The following KLHL7 variants were observed in gnomAD, a reference collection of about 807,000 sequenced individuals.
The protein encoded by KLHL7 is kelch-like protein 7.
KLHL7 carries 44 observed loss-of-function variants against 67.4 expected under a neutral mutation model. That is an observed-to-expected ratio of 0.65 (90% CI 0.51 to 0.84). The LOEUF (loss-of-function observed/expected upper bound fraction) is 0.84, where lower values mean the gene tolerates loss of function less well. Ranked by LOEUF, KLHL7 falls within the 40% of genes least tolerant of loss-of-function variation. KLHL7 has a pLI of 0.00. For missense variants in KLHL7, 362 were observed against 718.1 expected (o/e 0.50, Z 5.67); for synonymous variants, 252 against 243.3 (o/e 1.04, Z -0.33).
rs533375327 is a variant in KLHL7 at position 23,121,545 on chromosome 7, C to G, written c.121-2232C>G. Among the ~76,000 whole-genome samples the G allele has an allele frequency of 2.6e-5, 4 of 151,828 alleles. No individual in the cohort carries two copies. The South Asian group carries it at 6.3e-4, about 24-fold the overall frequency. Reference sequence around the variant, plus strand: ...GAATTCCTAGGCTCAAGCAATCCACCTGCCTTGGCCTCCCAAAAATGCTAG... The same window carrying G: ...GAATTCCTAGGCTCAAGCAATCCACGTGCCTTGGCCTCCCAAAAATGCTAG... On this transcript the variant is annotated intron_variant, in intron 1 of 10. Coordinates refer to ENST00000339077, the MANE Select transcript of KLHL7 (RefSeq NM_001031710.3).
At chr7:23,120,111 G>A (rs962659103) in intron 1 of KLHL7, among the ~76,000 whole-genome samples, 2 of 152,118 alleles carry the variant, frequency 1.3e-5, no homozygotes, top group Admixed American at 1.3e-4. Context: ...CCGGGCTCAA[G>A]CGATCCTCCC....
chr7:23,177,450 T>C lies in KLHL7; in HGVS notation c.*3152T>C, dbSNP rs1022898010. ...ATGTGGATTATAATGAAGTGGTTTTTTTCCTTAGTAATCTGTATCATAATT... is the reference window on the plus strand; with the variant it reads ...ATGTGGATTATAATGAAGTGGTTTTCTTCCTTAGTAATCTGTATCATAATT... On this transcript the variant is annotated 3_prime_UTR_variant, in exon 11 of 11. Transcript: ENST00000339077. The C allele has an allele frequency of 1.3e-5, 2 of 152,196 alleles. No homozygotes were observed. The highest frequency in any genetic ancestry group is 4.8e-5 in the African/African-American group (2 of 41,452). The allele number at this position is 152,196 out of a possible 1,614,324, so 9.4% of individuals were successfully genotyped here. A position where few individuals can be genotyped will look rare whatever the true frequency, so the allele number is the denominator to read the frequency against.
chr7:23,116,264 G>A (rs1372747548), intron 1 of KLHL7, among the ~76,000 whole-genome samples: 1 of 152,198 alleles, frequency 6.6e-6, no homozygotes, highest in Non-Finnish European at 1.5e-5. Context: ...GCTGGAGAAT[G>A]GCCTTTAACA....
chr7:23,160,373 A>G (rs1033165268), intron 7 of KLHL7, among the ~76,000 whole-genome samples: 1 of 152,138 alleles, frequency 6.6e-6, no homozygotes, highest in African/African-American at 2.4e-5. Context: ...AGTTTTATTT[A>G]ATGATTGAGT....
chr7:23,120,850 A>G (rs1339682315), intron 1 of KLHL7, among the ~76,000 whole-genome samples: 1 of 152,192 alleles, frequency 6.6e-6, no homozygotes, highest in African/African-American at 2.4e-5. Context: ...GATGTAACCC[A>G]CTGCTCCCAG....
At position 23,174,120 on chromosome 7, in the gene KLHL7, C is replaced by CTA; in HGVS notation, c.1586_1587dup (p.Val530Ter). 6.2e-7 allele frequency: 1 copy of CTA among 1,614,158 alleles called. No homozygotes were observed. Among genetic ancestry groups the CTA allele is most frequent in the Non-Finnish European group, 8.5e-7 (1 of 1,180,024 alleles). The stretch of plus-strand genomic sequence containing the variant: ...ACAGTGAAATGTGCAGCAGTTGGCT[C>CTA]TATAGTTTATGTCTTGGCTGGTTTT... On this transcript the variant is annotated frameshift_variant, in exon 11 of 11. Transcript: ENST00000339077. LOFTEE classifies it high-confidence loss of function.
intron 4 of KLHL7, among the ~76,000 whole-genome samples, chr7:23,130,213 A>AT (rs1783745241): frequency 6.6e-6 from 1 of 152,180 alleles, no homozygotes; most frequent in Non-Finnish European, 1.5e-5. Context: ...TAAAATTTTC[A>AT]TTTTTTTCTG....
chr7:23,152,076 G>A lies in KLHL7; in HGVS notation c.803G>A (p.Arg268Lys), dbSNP rs2128466896. 3 of 1,613,852 alleles carry A rather than the reference G, an allele frequency of 1.9e-6. No individual in the cohort carries two copies. The highest frequency in any genetic ancestry group is 2.5e-6 in the Non-Finnish European group (3 of 1,179,796). Residue 268 changes from arginine to lysine, a missense_variant, in exon 7 of 11, where the codon AGG becomes AAG. Transcript: ENST00000339077. The stretch of plus-strand genomic sequence containing the variant: ...ATGTATTTTACTACAGGTGGAATGA[G>A]GTACCATCTACTGTCTCCAGAGGAC... ...ECLKMVISGM[R>K]YHLLSPEDRE... is the part of the protein sequence containing the mutation.
In KLHL7 at chr7:23,123,780, A is replaced by C; in HGVS notation, c.124A>C (p.Thr42Pro). The change falls in exon 2 of 11, where the codon ACG becomes CCG. Residue 42 changes from threonine (T) to proline (P), a missense_variant. Thr to Pro is a conservative substitution (Grantham distance 38). Around this residue, in one of 5 missense-constraint regions of KLHL7, gnomAD observed 57 missense variants for 81.7 expected, o/e 0.70. Transcript: ENST00000339077. ...TATGTATTTTTCCTTTGATTAGAAA[A>C]CGTTGTGTGACGTGATCCTCATGGT... ...GVMNNMRKQK[T>P]LCDVILMVQE... 1 of 1,610,550 alleles carries C rather than the reference A, an allele frequency of 6.2e-7. No homozygotes were observed. The highest frequency in any genetic ancestry group is 8.5e-7 in the Non-Finnish European group (1 of 1,176,984).
At chr7:23,106,638 A>G in intron 1 of KLHL7, 1 of 1,032,562 alleles carries the variant, frequency 9.7e-7, no homozygotes, top group Non-Finnish European at 1.2e-6. Flanking sequence ...GTTGAAGAGG[A>G]GTCCTCCTGT....
At chr7:23,169,665 T>C (rs1562593487) in intron 9 of KLHL7, among the ~76,000 whole-genome samples, 1 of 152,222 alleles carries the variant, frequency 6.6e-6, no homozygotes, top group Non-Finnish European at 1.5e-5. Flanking sequence ...GATTTTTTAC[T>C]TACTTTTTTG....
chr7:23,113,166 AAT>A (rs1782945573), intron 1 of KLHL7, among the ~76,000 whole-genome samples: 1 of 152,184 alleles, frequency 6.6e-6, no homozygotes, highest in Non-Finnish European at 1.5e-5. Flanking sequence ...CATCTGCTAA[AAT>A]GAAGGAGTAA....
chr7:23,107,842 C>A (rs1393658935), intron 1 of KLHL7, among the ~76,000 whole-genome samples: 2 of 152,222 alleles, frequency 1.3e-5, no homozygotes, highest in East Asian at 3.8e-4. Flanking sequence ...TTATCAACTT[C>A]ATGGAATCAT....
intron 4 of KLHL7, among the ~76,000 whole-genome samples, chr7:23,135,291 G>A (rs186657823): frequency 2.7e-4 from 41 of 152,206 alleles, no homozygotes; most frequent in Non-Finnish European, 5.0e-4. Flanking sequence ...GTGGTCAGGG[G>A]AGATGCTTGA....
At position 23,123,832 on chromosome 7, in the gene KLHL7, G is replaced by A. The variant is rs1448804697; in HGVS notation, c.176G>A (p.Arg59His). 8 of 1,613,714 alleles carry A rather than the reference G, an allele frequency of 5.0e-6. No homozygotes were observed. Among genetic ancestry groups the A allele is most frequent in the African/African-American group, 1.3e-5 (1 of 74,990 alleles). Residue 59 changes from arginine (R) to histidine (H), a missense_variant, in exon 2 of 11, where the codon CGT (arginine) becomes CAT (histidine). Around this residue, in one of 5 missense-constraint regions of KLHL7, gnomAD observed 57 missense variants for 81.7 expected, o/e 0.70. Coordinates refer to ENST00000339077, the MANE Select transcript of KLHL7 (RefSeq NM_001031710.3). Reference protein sequence around the residue: ...MVQERKIPAHRVVLAAASHFF... With the variant: ...MVQERKIPAHHVVLAAASHFF... ...CAGGAAAGAAAGATACCTGCTCATCGTGTTGTTCTTGCTGCAGCCAGTCAT... is the reference window on the plus strand; with the variant it reads ...CAGGAAAGAAAGATACCTGCTCATCATGTTGTTCTTGCTGCAGCCAGTCAT...
rs544652688 is a variant in KLHL7, at chr7:23,150,393, T to A, written c.794-1674T>A. ...CTTATATATCCATGTATAAATTACA[T>A]GTGTAAAATTTGTATATTTGCATTA... On this transcript the variant is annotated intron_variant, in intron 6 of 10. Transcript: ENST00000339077. Among the ~76,000 whole-genome samples the A allele has an allele frequency of 3.4e-4, 52 of 152,310 alleles. 1 individual carries two copies. Among genetic ancestry groups the A allele is most frequent in the African/African-American group, 1.3e-3 (52 of 41,568 alleles).
At chr7:23,142,133 A>T (rs1454080591) in intron 5 of KLHL7, among the ~76,000 whole-genome samples, 1 of 152,032 alleles carries the variant, frequency 6.6e-6, no homozygotes, top group African/African-American at 2.4e-5. Context: ...CAAACAGTTG[A>T]CCTGCCCACC....
intron 7 of KLHL7, among the ~76,000 whole-genome samples, chr7:23,164,591 G>C (rs941364145): frequency 6.7e-6 from 1 of 149,540 alleles, no homozygotes; most frequent in African/African-American, 2.5e-5. Context: ...AGTAACCTAC[G>C]GGGATATTAA....
intron 4 of KLHL7, among the ~76,000 whole-genome samples, chr7:23,127,838 A>C (rs761106451): frequency 2.0e-5 from 3 of 148,946 alleles, no homozygotes; most frequent in Non-Finnish European, 4.4e-5. Flanking sequence ...TTGCCACTGC[A>C]CTCCAGCTGC....
Sources: allele counts gnomAD v4.1 joint callset (sites outside exome capture counted in the v4.1 genomes callset), GRCh38; gene constraint gnomAD v4.1.1; regional missense constraint gnomAD v4.1.1; transcripts MANE v1.5; gene names NCBI Gene and HGNC (gene_info 2026-07-23, HGNC 2026-07-21).